Variants in C19orf18 observed in about 807,000 individuals in gnomAD.
C19orf18 encodes chromosome 19 open reading frame 18.
A neutral mutation model predicts 23.3 loss-of-function variants in C19orf18; 21 were observed. That is an observed-to-expected ratio of 0.90 (90% CI 0.64 to 1.30). The LOEUF is 1.30. C19orf18 is among the 50% of genes most tolerant of loss of function. C19orf18 has a pLI of 0.00. For synonymous variants in C19orf18, 96 were observed against 95.2 expected (o/e 1.01, Z -0.05); for missense variants, 249 against 259.6 (o/e 0.96, Z 0.28).
chr19:57,960,808 A>T (rs2072863954), intron 5 of C19orf18, among the ~76,000 whole-genome samples: 1 of 152,168 alleles, frequency 6.6e-6, no homozygotes, highest in Non-Finnish European at 1.5e-5. Context: ...AGAAAGGTTC[A>T]TTTCCGTAAG....
At chr19:57,959,991 C>T (rs2072854805) in intron 5 of C19orf18, among the ~76,000 whole-genome samples, 1 of 151,224 alleles carries the variant, frequency 6.6e-6, no homozygotes, top group Non-Finnish European at 1.5e-5. Context: ...CGCCTGTAAT[C>T]CCAGCTACTC....
chr19:57,974,034 A>T, intron 2 of C19orf18, 65 bp downstream of exon 2: 1 of 1,476,458 alleles, frequency 6.8e-7, no homozygotes, highest in Non-Finnish European at 9.5e-7. Context: ...ACACATTCAC[A>T]TGGCAGATAA....
Position 57,961,517 on chromosome 19 carries a change from C to G in C19orf18, c.406G>C (p.Glu136Gln). 1 of 1,613,914 alleles carries G rather than the reference C, an allele frequency of 6.2e-7. No individual in the cohort carries two copies. Among genetic ancestry groups the G allele is most frequent in the Admixed American group, 1.7e-5 (1 of 59,898 alleles). Reference protein sequence around the residue: ...LAQAEERQQLESLYKNLRIPL... With the variant: ...LAQAEERQQLQSLYKNLRIPL... Reference sequence around the variant, plus strand: ...ATCCTGAGGTTCTTATAAAGTGACTCGAGCTGTTGTCTTTCCTCAGCCTGT... The same window carrying G: ...ATCCTGAGGTTCTTATAAAGTGACTGGAGCTGTTGTCTTTCCTCAGCCTGT... The change falls in exon 5 of 6, where the codon GAG becomes CAG. Residue 136 changes from glutamate (E) to glutamine (Q), a missense_variant. Coordinates refer to ENST00000314391, the MANE Select transcript of C19orf18 (RefSeq NM_152474.5).
At position 57,958,714 on chromosome 19, in the gene C19orf18, ATAAC is replaced by A. The variant is rs775912977; in HGVS notation, c.533-1_535del. ...AATATTTTTGCTTCTTTTTGATATA[ATAAC>A]TAAAATGTAGAAATGATGTTATTGA... On this transcript the variant is annotated splice_acceptor_variant and coding_sequence_variant, in exon 6 of 6. Coordinates refer to ENST00000314391, the MANE Select transcript of C19orf18 (RefSeq NM_152474.5). LOFTEE classifies it high-confidence loss of function. The A allele has an allele frequency of 1.3e-6, 2 of 1,484,416 alleles. No homozygotes were observed. Among genetic ancestry groups the A allele is most frequent in the Non-Finnish European group, 1.9e-6 (2 of 1,076,418 alleles). 92.0% of individuals were successfully genotyped at this position (1,484,416 alleles called of 1,614,324 possible).
At chr19:57,971,875 G>C (rs1258723900) in intron 3 of C19orf18, among the ~76,000 whole-genome samples, 3 of 152,230 alleles carry the variant, frequency 2.0e-5, no homozygotes, top group Non-Finnish European at 4.4e-5. Flanking sequence ...GTGAGTATCA[G>C]GCTTCTTCCT....
chr19:57,970,354 T>C (rs2072936433), intron 3 of C19orf18, among the ~76,000 whole-genome samples: 1 of 152,204 alleles, frequency 6.6e-6, no homozygotes, highest in Non-Finnish European at 1.5e-5. Flanking sequence ...ATGGAAAATG[T>C]TACAATCCTG....
chr19:57,959,659 A>G (rs1214503109), intron 5 of C19orf18, among the ~76,000 whole-genome samples: 1 of 151,552 alleles, frequency 6.6e-6, no homozygotes, highest in Non-Finnish European at 1.5e-5. Context: ...AGCCCGGCAT[A>G]GTGACATGCA....
At chr19:57,973,529 T>G (rs2072961362) in intron 2 of C19orf18, among the ~76,000 whole-genome samples, 1 of 151,884 alleles carries the variant, frequency 6.6e-6, no homozygotes, top group Non-Finnish European at 1.5e-5. Flanking sequence ...ATCAAGACCA[T>G]CCTGGCTAAC....
Position 57,974,410 on chromosome 19 carries a change from A to G in C19orf18, c.23T>C (p.Phe8Ser). 1 of 1,614,036 alleles carries G rather than the reference A, an allele frequency of 6.2e-7. No homozygotes were observed. Among genetic ancestry groups the G allele is most frequent in the Non-Finnish European group, 8.5e-7 (1 of 1,179,996 alleles). The change falls in exon 1 of 6, where the codon TTC becomes TCC. Residue 8 changes from phenylalanine (F) to serine (S), a missense_variant. Coordinates refer to ENST00000314391, the MANE Select transcript of C19orf18 (RefSeq NM_152474.5). Reference protein sequence around the residue: MDKVQSGFLILFLFLMEC... With the variant: MDKVQSGSLILFLFLMEC... ...CATTAAAAACAAAAACAAAATGAGGAAACCACTCTGAACCTTGTCCATCAC... is the reference window on the plus strand; with the variant it reads ...CATTAAAAACAAAAACAAAATGAGGGAACCACTCTGAACCTTGTCCATCAC...
chr19:57,972,082 G>A (rs2072948960), intron 3 of C19orf18, among the ~76,000 whole-genome samples: 1 of 152,174 alleles, frequency 6.6e-6, no homozygotes, highest in African/African-American at 2.4e-5. Context: ...AGGACACAAG[G>A]TGCCTTCTGC....
chr19:57,971,299 C>T lies in C19orf18; in HGVS notation c.268+1164G>A, dbSNP rs565070153. ...CAAGCCGACACACCCAAAGCCTACA[C>T]CCCAACAATCTCTATGGAGCCCTCA... is the stretch of plus-strand genomic sequence containing the variant. On this transcript the variant is annotated intron_variant, in intron 3 of 5. Transcript: ENST00000314391. Among the ~76,000 whole-genome samples, 65 of 152,060 alleles carry T rather than the reference C, an allele frequency of 4.3e-4. 1 individual carries two copies. The highest frequency in any genetic ancestry group is 1.8e-3 in the Admixed American group (27 of 15,260).
chr19:57,973,567 T>TACAAAAAATTAGCTTGGCGTG (rs2072961546), intron 2 of C19orf18, among the ~76,000 whole-genome samples: 1 of 151,574 alleles, frequency 6.6e-6, no homozygotes, highest in South Asian at 2.1e-4. Context: ...CTACTAAAAA[T>TACAAAAAATTAGCTTGGCGTG]ACAAAAAATT....
Position 57,958,553 on chromosome 19 carries a change from AC to A in C19orf18, c.*48del, listed in dbSNP as rs1456183122. 1.6e-6 allele frequency: 2 copies of A among 1,264,536 alleles called. No individual in the cohort carries two copies. Among genetic ancestry groups the A allele is most frequent in the African/African-American group, 1.5e-5 (1 of 65,952 alleles). The allele number at this position is 1,264,536 out of a possible 1,614,324, so 78.3% of individuals were successfully genotyped here. A position where few individuals can be genotyped will look rare whatever the true frequency, so the allele number is the denominator to read the frequency against. The stretch of plus-strand genomic sequence containing the variant: ...ACGCCCACAGGCTCAGTCTCCCAGC[AC>A]CCCCATAGTTTCTCCTCTGCCTCAG... On this transcript the variant is annotated 3_prime_UTR_variant, in exon 6 of 6. Coordinates refer to ENST00000314391, the MANE Select transcript of C19orf18 (RefSeq NM_152474.5).
chr19:57,958,478 G>A lies in C19orf18; in HGVS notation c.*124C>T. 1.6e-6 allele frequency: 1 copy of A among 625,808 alleles called. No individual in the cohort carries two copies. The highest frequency in any genetic ancestry group is 2.0e-5 in the South Asian group (1 of 49,982). The allele number at this position is 625,808 out of a possible 1,614,324, so 38.8% of individuals were successfully genotyped here. On this transcript the variant is annotated 3_prime_UTR_variant, in exon 6 of 6. Transcript: ENST00000314391. ...CTTTATTTTCTGGGATACAGGTCTGGCATTTCTTTCTTTGATGTCCTCTTC... is the reference window on the plus strand; with the variant it reads ...CTTTATTTTCTGGGATACAGGTCTGACATTTCTTTCTTTGATGTCCTCTTC...
intron 5 of C19orf18, among the ~76,000 whole-genome samples, chr19:57,960,440 A>C: frequency 6.6e-6 from 1 of 151,956 alleles, no homozygotes; most frequent in Non-Finnish European, 1.5e-5. Flanking sequence ...AAAAAAAAAA[A>C]AAAAAGAACT....
intron 2 of C19orf18, among the ~76,000 whole-genome samples, chr19:57,973,724 CAAA>C (rs59211957): frequency 2.8e-5 from 3 of 107,748 alleles, no homozygotes; most frequent in African/African-American, 3.4e-5. Flanking sequence ...GACTCTGTCT[CAAA>C]AAAAAAAAAA....
In C19orf18 at chr19:57,958,918, G is replaced by A. The variant is rs374410921; in HGVS notation, c.533-201C>T. On this transcript the variant is annotated intron_variant, in intron 5 of 5. Transcript: ENST00000314391. ...TTTTCCCATATTTTGTATTCAAGTTGTATAAATGCCCAGTAAAAGAAGAAG... is the reference window on the plus strand; with the variant it reads ...TTTTCCCATATTTTGTATTCAAGTTATATAAATGCCCAGTAAAAGAAGAAG... Among the ~76,000 whole-genome samples the A allele has an allele frequency of 8.4e-4, 128 of 152,242 alleles. 4 individuals carry two copies. In the South Asian group the frequency reaches 0.026, roughly 31 times the overall value.
At chr19:57,973,123 G>T (rs530765826) in intron 2 of C19orf18, among the ~76,000 whole-genome samples, 5 of 124,808 alleles carry the variant, frequency 4.0e-5, no homozygotes, top group African/African-American at 1.6e-4. Flanking sequence ...CTCCAGCTGG[G>T]TGACAGAGTG....
chr19:57,963,319 G>A (rs189372076), intron 4 of C19orf18, among the ~76,000 whole-genome samples: 3 of 151,704 alleles, frequency 2.0e-5, no homozygotes, highest in South Asian at 2.1e-4. Flanking sequence ...GTGAGCCACC[G>A]CGCCCGGTCC....
Sources: gnomAD v4.1 joint callset for allele counts (sites outside exome capture counted in the v4.1 genomes callset) on GRCh38, gnomAD v4.1.1 for gene constraint, MANE v1.5 for transcripts, NCBI Gene and HGNC (gene_info 2026-07-23, HGNC 2026-07-21) for gene names.